CRACDL: variants seen among roughly 807,000 people sequenced by gnomAD.
The protein encoded by CRACDL is CRACD like.
In CRACDL, 26 loss-of-function variants were observed where a neutral mutation model predicts 70.6. The observed-to-expected ratio is 0.37, with a 90% CI of 0.27 to 0.51. The LOEUF is 0.51. Ranked by LOEUF, CRACDL falls within the 20% of genes least tolerant of loss-of-function variation. The probability of loss-of-function intolerance (pLI) is 0.94; values close to 1 mark genes in which losing one functional copy is unlikely to be tolerated. For synonymous variants in CRACDL, 618 were observed against 615.2 expected (o/e 1.00, Z -0.07); for missense variants, 1,283 against 1,376.9 (o/e 0.93, Z 1.08).
At chr2:98,894,354 A>G (rs4851171) in intron 1 of CRACDL, among the ~76,000 whole-genome samples, 79,514 of 151,850 alleles carry the variant, frequency 0.52, 22,411 homozygotes, top group African/African-American at 0.73. Flanking sequence ...GTGAATTAGC[A>G]CACAGAAGCA....
intron 1 of CRACDL, among the ~76,000 whole-genome samples, chr2:98,908,835 C>T (rs1194256147): frequency 1.3e-5 from 2 of 152,184 alleles, no homozygotes; most frequent in East Asian, 3.8e-4. Context: ...ACTAAAAGTC[C>T]ATCTGTACAG....
intron 3 of CRACDL, among the ~76,000 whole-genome samples, chr2:98,837,475 C>CT (rs1388059136): frequency 6.6e-6 from 1 of 151,970 alleles, no homozygotes; most frequent in Non-Finnish European, 1.5e-5. Flanking sequence ...AAGGTAAAAG[C>CT]TAGCATAGCA....
chr2:98,823,039 T>G lies in CRACDL; in HGVS notation c.1234A>C (p.Thr412Pro). 6.8e-7 allele frequency: 1 copy of G among 1,468,698 alleles called. No individual in the cohort carries two copies. The allele number at this position is 1,468,698 out of a possible 1,614,324, so 91.0% of individuals were successfully genotyped here. ...FPTAIPEGDT[T>P]PPETDPAATS... The stretch of plus-strand genomic sequence containing the variant: ...GCGGCGGGGTCAGTCTCGGGGGGAG[T>G]CGTGTCCCCCTCAGGGATGGCGGTG... Residue 412 changes from threonine (T) to proline (P), a missense_variant, in exon 7 of 10, where the codon ACT becomes CCT. Thr to Pro is a conservative substitution (Grantham distance 38, BLOSUM62 -1). Coordinates refer to ENST00000397899, the MANE Select transcript of CRACDL (RefSeq NM_207362.3). The surrounding 1 kb of genome is among the most constrained non-coding windows in gnomAD (Gnocchi z 4.0).
At chr2:98,837,515 A>G (rs1457657509) in intron 3 of CRACDL, among the ~76,000 whole-genome samples, 1 of 152,224 alleles carries the variant, frequency 6.6e-6, no homozygotes, top group African/African-American at 2.4e-5. Context: ...TCTTAGTCAC[A>G]GGAATAACTG....
intron 1 of CRACDL, among the ~76,000 whole-genome samples, chr2:98,935,340 T>G (rs767536909): frequency 2.6e-4 from 39 of 152,196 alleles, no homozygotes; most frequent in Non-Finnish European, 4.7e-4. Context: ...AAGTGACTAT[T>G]ATGCTCTGAT....
intron 7 of CRACDL, among the ~76,000 whole-genome samples, chr2:98,804,530 G>A (rs1046108049): frequency 6.6e-6 from 1 of 152,130 alleles, no homozygotes; most frequent in East Asian, 1.9e-4. Flanking sequence ...CTCTTACACC[G>A]TATACAGTAT....
intron 1 of CRACDL, among the ~76,000 whole-genome samples, chr2:98,905,653 G>T (rs1209082233): frequency 6.9e-6 from 1 of 145,582 alleles, no homozygotes. Context: ...TTTTGAGACA[G>T]AGTCTCGTTC....
At chr2:98,907,303 A>G (rs1286390643) in intron 1 of CRACDL, among the ~76,000 whole-genome samples, 2 of 152,198 alleles carry the variant, frequency 1.3e-5, no homozygotes, top group Non-Finnish European at 2.9e-5. Flanking sequence ...AGGAAACAAA[A>G]CAAAACAAAA....
chr2:98,933,828 A>C (rs1053376810), intron 1 of CRACDL, among the ~76,000 whole-genome samples: 9 of 152,128 alleles, frequency 5.9e-5, no homozygotes, highest in African/African-American at 2.2e-4. Flanking sequence ...CTGCTATAAC[A>C]AAATACCATA....
chr2:98,843,097 G>T (rs898802643), intron 2 of CRACDL, among the ~76,000 whole-genome samples: 3 of 152,058 alleles, frequency 2.0e-5, no homozygotes, highest in Admixed American at 2.0e-4. Flanking sequence ...CGTTTAATAC[G>T]TGTGTCCTGG....
rs1305106324 is a variant in CRACDL, at chr2:98,795,070, TATATATA to T, written c.2750-406_2750-400del. Among the ~76,000 whole-genome samples, 15 of 64,516 alleles carry T rather than the reference TATATATA, an allele frequency of 2.3e-4. 2 individuals carry two copies. Among genetic ancestry groups the T allele is most frequent in the Non-Finnish European group, 1.9e-4 (6 of 32,322 alleles). The allele number at this position is 64,516 out of a possible 152,430, so 42.3% of individuals were successfully genotyped here. A position where few individuals can be genotyped will look rare whatever the true frequency, so the allele number is the denominator to read the frequency against. On this transcript the variant is annotated intron_variant, in intron 9 of 9. Coordinates refer to ENST00000397899, the MANE Select transcript of CRACDL (RefSeq NM_207362.3). The stretch of plus-strand genomic sequence containing the variant: ...ATATATATATATATATATATATATA[TATATATA>T]TTTTTTTTTTTTTTTGAGACAGAAG...
At chr2:98,901,435 C>G (rs529252259) in intron 1 of CRACDL, among the ~76,000 whole-genome samples, 1 of 152,196 alleles carries the variant, frequency 6.6e-6, no homozygotes, top group Non-Finnish European at 1.5e-5. Flanking sequence ...GGGCTCCCCC[C>G]ATCCAGAGCT....
chr2:98,838,410 T>C (rs1230906384), intron 2 of CRACDL, 123 bp from the exon 3 acceptor site: 1 of 555,958 alleles, frequency 1.8e-6, no homozygotes, highest in Non-Finnish European at 3.1e-6. Context: ...GTTATCTGCT[T>C]CTGAAAAGTC....
At chr2:98,853,323 G>A (rs1047039254) in intron 1 of CRACDL, among the ~76,000 whole-genome samples, 1 of 152,080 alleles carries the variant, frequency 6.6e-6, no homozygotes, top group African/African-American at 2.4e-5. Context: ...AAAGCCAACA[G>A]AATAGTCTCT....
chr2:98,796,040 A>G, intron 9 of CRACDL, 80 bp downstream of exon 9: 1 of 1,478,348 alleles, frequency 6.8e-7, no homozygotes, highest in Non-Finnish European at 9.4e-7. Flanking sequence ...GCAAAAACCA[A>G]ACCAAACCAA....
intron 1 of CRACDL, among the ~76,000 whole-genome samples, chr2:98,885,209 C>A (rs1323659733): frequency 6.6e-6 from 1 of 152,118 alleles, no homozygotes; most frequent in African/African-American, 2.4e-5. Context: ...CTGCTGGGGC[C>A]AATTCCTCAG....
chr2:98,905,343 C>T (rs1708384906), intron 1 of CRACDL, among the ~76,000 whole-genome samples: 1 of 152,062 alleles, frequency 6.6e-6, no homozygotes, highest in African/African-American at 2.4e-5. Flanking sequence ...CTGCCTTCCA[C>T]CATGCTTGGA....
intron 1 of CRACDL, among the ~76,000 whole-genome samples, chr2:98,892,965 T>C (rs1708016877): frequency 6.6e-6 from 1 of 152,164 alleles, no homozygotes; most frequent in African/African-American, 2.4e-5. Flanking sequence ...CTCTGATACC[T>C]GGGCCTGGCC....
chr2:98,817,338 G>C (rs926486186), intron 7 of CRACDL, among the ~76,000 whole-genome samples: 15 of 152,010 alleles, frequency 9.9e-5, no homozygotes, highest in African/African-American at 3.4e-4. Flanking sequence ...AAATTTAAGA[G>C]GGTCAATCTC....
Sources: gnomAD v4.1 joint callset for allele counts (sites outside exome capture counted in the v4.1 genomes callset) on GRCh38, gnomAD v4.1.1 for gene constraint, Gnocchi (gnomAD v3.1) non-coding constraint, MANE v1.5 for transcripts, NCBI Gene and HGNC (gene_info 2026-07-23, HGNC 2026-07-21) for gene names.